Variants in RTF1 observed in about 807,000 individuals in gnomAD.
The protein encoded by RTF1 is RNA polymerase-associated protein RTF1 homolog.
In RTF1, 10 loss-of-function variants were observed where a neutral mutation model predicts 95.7. The observed-to-expected ratio is 0.10, with a 90% CI of 0.06 to 0.18. RTF1 has a LOEUF of 0.18. RTF1 is among the 10% of genes least tolerant of loss of function. The pLI is 1.00. For synonymous variants in RTF1, 305 were observed against 311.8 expected, an observed-to-expected ratio of 0.98 and a Z score of 0.23; for missense variants, 458 against 875.6, an observed-to-expected ratio of 0.52 and a Z score of 6.02.
At chr15:41,480,427 T>C in intron 17 of RTF1, 102 bp downstream of exon 17, 1 of 1,008,942 alleles carries the variant, frequency 9.9e-7, no homozygotes, top group Non-Finnish European at 1.6e-6. Flanking sequence ...AGGGGAATGC[T>C]GGCTCATCAG....
chr15:41,436,425 C>G (rs533685769), intron 1 of RTF1, among the ~76,000 whole-genome samples: 1 of 149,024 alleles, frequency 6.7e-6, no homozygotes, highest in South Asian at 2.1e-4. Context: ...CCACTGCACT[C>G]TAGCCTGGGT....
At chr15:41,475,160 G>C (rs778394910) in intron 9 of RTF1, among the ~76,000 whole-genome samples, 2 of 152,212 alleles carry the variant, frequency 1.3e-5, no homozygotes, top group Non-Finnish European at 2.9e-5. Flanking sequence ...TGCCATCATA[G>C]TGCACTGCAG....
rs190819933 is a variant in RTF1, at chr15:41,472,237, G to T, written c.1203+888G>T. ...GTTTTTTTTTTTCAGACAGAGTTTCGCTTTTGTCGCCCAGGCTGGAGTGCA... is the reference window on the plus strand; with the variant it reads ...GTTTTTTTTTTTCAGACAGAGTTTCTCTTTTGTCGCCCAGGCTGGAGTGCA... On this transcript the variant is annotated intron_variant, in intron 8 of 17. Transcript: ENST00000389629. Among the ~76,000 whole-genome samples the T allele has an allele frequency of 3.7e-3, 481 of 128,784 alleles. 4 individuals are homozygous for T. The highest frequency in any genetic ancestry group is 0.013 in the African/African-American group (458 of 33,974). 84.5% of individuals were successfully genotyped at this position (128,784 alleles called of 152,430 possible).
chr15:41,419,284 A>G (rs1595420621), intron 1 of RTF1, among the ~76,000 whole-genome samples: 1 of 152,192 alleles, frequency 6.6e-6, no homozygotes, highest in Admixed American at 6.6e-5. Flanking sequence ...TATAGTGCCT[A>G]GAGTAGGCAC....
At chr15:41,441,863 G>A (rs749528034) in intron 2 of RTF1, among the ~76,000 whole-genome samples, 2 of 152,118 alleles carry the variant, frequency 1.3e-5, no homozygotes, top group Non-Finnish European at 2.9e-5. Flanking sequence ...GAGCAGCAGC[G>A]TCTGTATCAT....
intron 8 of RTF1, 80 bp downstream of exon 8, chr15:41,471,429 A>G: frequency 1.4e-6 from 2 of 1,398,320 alleles, no homozygotes; most frequent in South Asian, 1.4e-5. Flanking sequence ...TACTGAAAAA[A>G]TCGATCACTC....
intron 11 of RTF1, 79 bp downstream of exon 11, chr15:41,475,898 T>C (rs1287502771): frequency 2.8e-6 from 2 of 707,754 alleles, no homozygotes; most frequent in Non-Finnish European, 4.8e-6. Flanking sequence ...TTTATTTCCC[T>C]ATATCTTGAC....
At chr15:41,448,135 C>A (rs372726411) in intron 2 of RTF1, among the ~76,000 whole-genome samples, 15 of 152,008 alleles carry the variant, frequency 9.9e-5, no homozygotes, top group African/African-American at 3.6e-4. Context: ...AGAAGAGGTA[C>A]AGAGCAAATA....
rs1027073131 is a variant in RTF1 at position 41,480,849 on chromosome 15, C to G, written c.*162C>G. On this transcript the variant is annotated 3_prime_UTR_variant, in exon 18 of 18. Transcript: ENST00000389629. ...AATATAAACCATTTGCTGTATAGACCTCCTTTGTCTGCACACCATCTCCCA... is the reference window on the plus strand; with the variant it reads ...AATATAAACCATTTGCTGTATAGACGTCCTTTGTCTGCACACCATCTCCCA... 1.6e-6 allele frequency: 1 copy of G among 617,836 alleles called. No individual in the cohort carries two copies. The highest frequency in any genetic ancestry group is 2.9e-6 in the Non-Finnish European group (1 of 344,150). 38.3% of individuals were successfully genotyped at this position (617,836 alleles called of 1,614,324 possible). A position where few individuals can be genotyped will look rare whatever the true frequency, so the allele number is the denominator to read the frequency against.
At position 41,431,018 on chromosome 15, in the gene RTF1, C is replaced by T. The variant is rs2050668359; in HGVS notation, c.199-7303C>T. On this transcript the variant is annotated intron_variant, in intron 1 of 17. Coordinates refer to ENST00000389629, the MANE Select transcript of RTF1 (RefSeq NM_015138.5). ...CCTAGGTTCAAGCGATTCTCCTTGCCTCAGACTCCCAAGTAGCTGGGATTA... is the reference window on the plus strand; with the variant it reads ...CCTAGGTTCAAGCGATTCTCCTTGCTTCAGACTCCCAAGTAGCTGGGATTA... Among the ~76,000 whole-genome samples, 4 of 150,850 alleles carry T rather than the reference C, an allele frequency of 2.7e-5. No individual in the cohort carries two copies. The Admixed American group carries it at 2.7e-4, about 10-fold the overall frequency.
At chr15:41,417,389 G>T in intron 1 of RTF1, 76 bp downstream of exon 1, 1 of 1,189,414 alleles carries the variant, frequency 8.4e-7, no homozygotes, top group Non-Finnish European at 1.1e-6. Flanking sequence ...AGACGGCCGG[G>T]CCTGGAGCCT....
chr15:41,478,024 T>C lies in RTF1; in HGVS notation c.1740+509T>C, dbSNP rs142458554. Among the ~76,000 whole-genome samples the C allele has an allele frequency of 6.6e-3, 1,010 of 152,232 alleles. 14 individuals are homozygous for C. The highest frequency in any genetic ancestry group is 0.023 in the African/African-American group (950 of 41,548). On this transcript the variant is annotated intron_variant, in intron 14 of 17. Coordinates refer to ENST00000389629, the MANE Select transcript of RTF1 (RefSeq NM_015138.5). ...GGGAGGCTGAGGCACGAGAATCACT[T>C]GAACCTGGGATGTGGAGATTGCAGT...
At chr15:41,463,037 T>C (rs1033352689) in intron 4 of RTF1, among the ~76,000 whole-genome samples, 3 of 152,116 alleles carry the variant, frequency 2.0e-5, no homozygotes, top group African/African-American at 7.2e-5. Flanking sequence ...TTACAGGCAT[T>C]AGCCACCATG....
At chr15:41,461,999 T>C (rs1205088040) in intron 4 of RTF1, among the ~76,000 whole-genome samples, 1 of 150,982 alleles carries the variant, frequency 6.6e-6, no homozygotes, top group Non-Finnish European at 1.5e-5. Flanking sequence ...AAGCAATTCG[T>C]CCACCTCGGC....
At chr15:41,457,115 G>A (rs2050822534) in intron 3 of RTF1, among the ~76,000 whole-genome samples, 1 of 151,792 alleles carries the variant, frequency 6.6e-6, no homozygotes, top group Admixed American at 6.6e-5. Flanking sequence ...GATGGGGCCA[G>A]GTGTGGTGGC....
intron 2 of RTF1, among the ~76,000 whole-genome samples, chr15:41,438,871 A>AT (rs1240435538): frequency 2.0e-5 from 3 of 151,716 alleles, no homozygotes; most frequent in African/African-American, 7.3e-5. Context: ...AAAAAAAAAA[A>AT]GAAAATGGTG....
In RTF1 at chr15:41,460,125, T is replaced by G. The variant is rs1438200521; in HGVS notation, c.662+2249T>G. 4.1e-4 allele frequency among the ~76,000 whole-genome samples: 49 copies of G among 120,930 alleles called. 1 individual carries two copies. The highest frequency in any genetic ancestry group is 5.2e-4 in the East Asian group (1 of 1,938). 79.3% of individuals were successfully genotyped at this position (120,930 alleles called of 152,430 possible). ...TTGATTTTTGTTTTTGTTTTTGTTTTTTTTTTTTTTTTTTGAGACAGACTT... is the reference window on the plus strand; with the variant it reads ...TTGATTTTTGTTTTTGTTTTTGTTTGTTTTTTTTTTTTTTGAGACAGACTT... On this transcript the variant is annotated intron_variant, in intron 4 of 17. Transcript: ENST00000389629.
intron 4 of RTF1, among the ~76,000 whole-genome samples, chr15:41,460,232 C>T (rs537709020): frequency 1.3e-5 from 2 of 151,302 alleles, no homozygotes; most frequent in Non-Finnish European, 2.9e-5. Flanking sequence ...AAGTGATTCT[C>T]CTGCCTCAGC....
intron 6 of RTF1, among the ~76,000 whole-genome samples, chr15:41,466,628 T>C (rs1461894085): frequency 6.6e-6 from 1 of 152,256 alleles, no homozygotes; most frequent in Non-Finnish European, 1.5e-5. Flanking sequence ...ATTTTTCTAT[T>C]TGTTTTGTAA....
Sources: allele counts gnomAD v4.1 joint callset (sites outside exome capture counted in the v4.1 genomes callset), GRCh38; gene constraint gnomAD v4.1.1; transcripts MANE v1.5; gene names NCBI Gene and HGNC (gene_info 2026-07-23, HGNC 2026-07-21).